The following RGL1 variants were observed in gnomAD, a reference collection of about 807,000 sequenced individuals.
RGL1 encodes the protein ral guanine nucleotide dissociation stimulator-like 1.
In RGL1, 24 loss-of-function variants were observed where a neutral mutation model predicts 95.2. The ratio of observed to expected loss-of-function variants is 0.25; its 90% CI spans 0.18 to 0.35. RGL1 has a LOEUF of 0.35. Ranked by LOEUF, RGL1 falls within the 10% of genes least tolerant of loss-of-function variation. RGL1 has a pLI of 1.00. For synonymous variants in RGL1, 329 were observed against 344.9 expected (o/e 0.95, Z 0.51); for missense variants, 715 against 936.3 (o/e 0.76, Z 3.08).
At position 183,712,523 on chromosome 1, in the gene RGL1, A is replaced by G. The variant is rs74130270; in HGVS notation, c.-32-29603A>G. Among the ~76,000 whole-genome samples, 1,261 of 152,294 alleles carry G rather than the reference A, an allele frequency of 8.3e-3. 15 individuals are homozygous for G. Among genetic ancestry groups the G allele is most frequent in the African/African-American group, 0.029 (1,196 of 41,544 alleles). Reference sequence around the variant, plus strand: ...TGTGTGTGTGTGCACGTGTGCACACATGCACACACATTCATGTGAACAATT... The same window carrying G: ...TGTGTGTGTGTGCACGTGTGCACACGTGCACACACATTCATGTGAACAATT... On this transcript the variant is annotated intron_variant, in intron 1 of 18. Transcript: ENST00000304685.
intron 1 of RGL1, among the ~76,000 whole-genome samples, chr1:183,674,730 T>C (rs1652703153): frequency 6.6e-6 from 1 of 152,212 alleles, no homozygotes; most frequent in African/African-American, 2.4e-5. Flanking sequence ...GAGTGCATTA[T>C]GTACCGGTAG....
intron 2 of RGL1, among the ~76,000 whole-genome samples, chr1:183,825,215 C>T (rs1662764500): frequency 6.6e-6 from 1 of 152,078 alleles, no homozygotes; most frequent in African/African-American, 2.4e-5. Flanking sequence ...ACATATCATG[C>T]TGGAAGGGTT....
intron 2 of RGL1, among the ~76,000 whole-genome samples, chr1:183,786,463 A>T (rs2102367173): frequency 6.6e-6 from 1 of 152,324 alleles, no homozygotes; most frequent in South Asian, 2.1e-4. Flanking sequence ...TCAGATTTTT[A>T]AAATATTTTG....
chr1:183,756,178 C>G (rs1272086775), intron 2 of RGL1, among the ~76,000 whole-genome samples: 1 of 148,702 alleles, frequency 6.7e-6, no homozygotes, highest in South Asian at 2.2e-4. Context: ...AGCCACTGCG[C>G]CTGGCCTGAG....
intron 2 of RGL1, among the ~76,000 whole-genome samples, chr1:183,798,468 T>C (rs1660810969): frequency 6.6e-6 from 1 of 152,136 alleles, no homozygotes; most frequent in African/African-American, 2.4e-5. Flanking sequence ...AAGCCACAGA[T>C]ATATCATCAC....
At chr1:183,847,975 C>G (rs1664557718) in intron 3 of RGL1, among the ~76,000 whole-genome samples, 1 of 152,150 alleles carries the variant, frequency 6.6e-6, no homozygotes, top group African/African-American at 2.4e-5. Flanking sequence ...AAAATATCTC[C>G]TAAAAGATTT....
At chr1:183,882,577 G>C (rs1239693997) in intron 5 of RGL1, among the ~76,000 whole-genome samples, 2 of 152,202 alleles carry the variant, frequency 1.3e-5, no homozygotes, top group Admixed American at 1.3e-4. Flanking sequence ...TTGTGTCGCA[G>C]ACTCCGGGGA....
chr1:183,866,579 G>C (rs1480515057), intron 4 of RGL1, among the ~76,000 whole-genome samples: 1 of 152,210 alleles, frequency 6.6e-6, no homozygotes, highest in Non-Finnish European at 1.5e-5. Flanking sequence ...AATCAGCAGG[G>C]AATTGCATGT....
At chr1:183,808,260 C>T (rs1189818652) in intron 2 of RGL1, among the ~76,000 whole-genome samples, 3 of 152,186 alleles carry the variant, frequency 2.0e-5, no homozygotes, top group Non-Finnish European at 4.4e-5. Flanking sequence ...TCTCCCTTCT[C>T]TCAGTGTTCT....
intron 1 of RGL1, among the ~76,000 whole-genome samples, chr1:183,702,242 T>C (rs997963869): frequency 2.0e-5 from 3 of 152,156 alleles, no homozygotes; most frequent in African/African-American, 7.2e-5. Context: ...AGTTTTTTTT[T>C]TCTGTGAGTC....
chr1:183,818,646 G>T (rs1201946357), intron 2 of RGL1, among the ~76,000 whole-genome samples: 1 of 152,158 alleles, frequency 6.6e-6, no homozygotes, highest in Non-Finnish European at 1.5e-5. Flanking sequence ...AAGGGCGGGG[G>T]CCATATTTAA....
intron 2 of RGL1, among the ~76,000 whole-genome samples, chr1:183,821,928 C>T (rs1662516007): frequency 6.6e-6 from 1 of 152,140 alleles, no homozygotes; most frequent in Admixed American, 6.5e-5. Context: ...CTCCCTGCAT[C>T]ATATCCTGTT....
intron 2 of RGL1, among the ~76,000 whole-genome samples, chr1:183,842,010 T>A (rs1664091572): frequency 6.6e-6 from 1 of 152,142 alleles, no homozygotes; most frequent in South Asian, 2.1e-4. Context: ...AGATAAAAGA[T>A]CCTCAGCCTG....
intron 2 of RGL1, among the ~76,000 whole-genome samples, chr1:183,757,289 G>A (rs962332988): frequency 2.0e-5 from 3 of 152,154 alleles, no homozygotes; most frequent in African/African-American, 4.8e-5. Flanking sequence ...TGTTCATCAT[G>A]CATGCTTTGG....
intron 1 of RGL1, among the ~76,000 whole-genome samples, chr1:183,705,707 G>T (rs1654871538): frequency 6.6e-6 from 1 of 152,218 alleles, no homozygotes; most frequent in African/African-American, 2.4e-5. Flanking sequence ...AGAAAGTAAA[G>T]TATATGGTTT....
intron 2 of RGL1, among the ~76,000 whole-genome samples, chr1:183,759,879 C>T (rs780826245): frequency 1.3e-5 from 2 of 152,202 alleles, no homozygotes; most frequent in Non-Finnish European, 2.9e-5. Context: ...TCAAGTATCA[C>T]CTCTTCCAGG....
chr1:183,770,164 G>A (rs1174293169), intron 2 of RGL1, among the ~76,000 whole-genome samples: 1 of 152,128 alleles, frequency 6.6e-6, no homozygotes, highest in East Asian at 1.9e-4. Context: ...TGTTTAACCT[G>A]CAAAAGGAAA....
intron 3 of RGL1, among the ~76,000 whole-genome samples, chr1:183,858,663 G>A (rs74780601): frequency 5.9e-5 from 9 of 152,056 alleles, no homozygotes; most frequent in Admixed American, 2.0e-4. Context: ...TTTTCATATC[G>A]CTATTCTCTT....
intron 1 of RGL1, among the ~76,000 whole-genome samples, chr1:183,682,204 C>G (rs982723287): frequency 2.6e-5 from 4 of 152,106 alleles, no homozygotes; most frequent in Non-Finnish European, 4.4e-5. Flanking sequence ...TTCTTGTTTT[C>G]TGCTAGCTTT....
Sources: gnomAD v4.1 joint callset for allele counts (sites outside exome capture counted in the v4.1 genomes callset) on GRCh38, gnomAD v4.1.1 for gene constraint, MANE v1.5 for transcripts, NCBI Gene and HGNC (gene_info 2026-07-23, HGNC 2026-07-21) for gene names.